Variants in R3HDM2 observed in about 807,000 individuals in gnomAD.
R3HDM2 encodes R3H domain containing 2, also known as R3H domain-containing protein 2.
Under a neutral mutation model 124.5 loss-of-function variants are expected in R3HDM2, and 38 were observed. That is an observed-to-expected ratio of 0.31 (90% CI 0.24 to 0.40). The LOEUF (loss-of-function observed/expected upper bound fraction) is 0.40, where lower values mean the gene tolerates loss of function less well. R3HDM2 is among the 10% of genes least tolerant of loss of function. R3HDM2 has a pLI of 1.00. For synonymous variants in R3HDM2, 391 were observed against 448.0 expected (o/e 0.87, Z 1.61); for missense variants, 869 against 1,236.9 (o/e 0.70, Z 4.46).
At chr12:57,273,439 G>A (rs1021351908) in intron 14 of R3HDM2, among the ~76,000 whole-genome samples, 2 of 152,148 alleles carry the variant, frequency 1.3e-5, no homozygotes, top group African/African-American at 4.8e-5. Context: ...CATAGTCCCT[G>A]GTGGTAGGAG....
At chr12:57,388,448 A>G (rs2066181396) in intron 2 of R3HDM2, among the ~76,000 whole-genome samples, 1 of 152,210 alleles carries the variant, frequency 6.6e-6, no homozygotes, top group Non-Finnish European at 1.5e-5. Context: ...AGTCAGCAAG[A>G]GAAGAACTGG....
In R3HDM2 at chr12:57,302,890, A is replaced by G. The variant is rs1274287521; in HGVS notation, c.207+286T>C. Among the ~76,000 whole-genome samples, 4 of 152,130 alleles carry G rather than the reference A, an allele frequency of 2.6e-5. No individual in the cohort carries two copies. In the East Asian group the frequency reaches 7.7e-4, roughly 29 times the overall value. The stretch of plus-strand genomic sequence containing the variant: ...GCAGAGAAACTGGTATTTCAGCACA[A>G]CTAGTATCCAGTTCTTTCAGGCTCT... On this transcript the variant is annotated intron_variant, in intron 4 of 23. Coordinates refer to ENST00000402412, the MANE Select transcript of R3HDM2 (RefSeq NM_001394031.1).
intron 2 of R3HDM2, among the ~76,000 whole-genome samples, chr12:57,343,293 G>A (rs1034546363): frequency 2.0e-5 from 3 of 150,666 alleles, no homozygotes; most frequent in African/African-American, 4.9e-5. Context: ...CGGTTCAAGC[G>A]GTTCTCCTGC....
At position 57,355,456 on chromosome 12, in the gene R3HDM2, C is replaced by CAA. The variant is rs1275868390; in HGVS notation, c.-36+40291_-36+40292dup. The stretch of plus-strand genomic sequence containing the variant: ...CCTGGGCAACAGAGCGAGACTGTCT[C>CAA]AAAAAAAAAAAAAAAAGAAAGAAAA... On this transcript the variant is annotated intron_variant, in intron 2 of 23. Coordinates refer to ENST00000402412, the MANE Select transcript of R3HDM2 (RefSeq NM_001394031.1). Among the ~76,000 whole-genome samples, 18 of 51,146 alleles carry CAA rather than the reference C, an allele frequency of 3.5e-4. 1 individual carries two copies. The highest frequency in any genetic ancestry group is 1.1e-3 in the African/African-American group (16 of 13,922). 33.6% of individuals were successfully genotyped at this position (51,146 alleles called of 152,430 possible). A position where few individuals can be genotyped will look rare whatever the true frequency, so the allele number is the denominator to read the frequency against.
intron 14 of R3HDM2, chr12:57,272,434 G>T: frequency 1.3e-6 from 2 of 1,535,038 alleles, no homozygotes; most frequent in Non-Finnish European, 1.8e-6. Context: ...AAGACAAAAA[G>T]GGGGAATGGA....
At chr12:57,372,294 C>T (rs182739061) in intron 2 of R3HDM2, among the ~76,000 whole-genome samples, 149 of 152,234 alleles carry the variant, frequency 9.8e-4, no homozygotes, top group Middle Eastern at 3.4e-3. Flanking sequence ...GGTGAAAAAA[C>T]ATAGTGCTCC....
chr12:57,393,364 AAGTGCTGGGATTAC>A (rs1489695135), intron 2 of R3HDM2, among the ~76,000 whole-genome samples: 2 of 151,854 alleles, frequency 1.3e-5, no homozygotes, highest in Non-Finnish European at 2.9e-5. Context: ...TTGGCCTCCC[AAGTGCTGGGATTAC>A]AGGCATAAGC....
intron 2 of R3HDM2, among the ~76,000 whole-genome samples, chr12:57,383,181 G>A (rs991148342): frequency 6.6e-6 from 1 of 152,138 alleles, no homozygotes; most frequent in African/African-American, 2.4e-5. Flanking sequence ...TTAGCCGAAT[G>A]TGGTGGTGCA....
At chr12:57,302,426 G>A (rs893325307) in intron 4 of R3HDM2, among the ~76,000 whole-genome samples, 4 of 151,956 alleles carry the variant, frequency 2.6e-5, no homozygotes, top group East Asian at 1.9e-4. Context: ...AGTACTTTGG[G>A]AGACCGAGGT....
chr12:57,304,052 C>T (rs1488550683), intron 3 of R3HDM2, among the ~76,000 whole-genome samples: 1 of 152,262 alleles, frequency 6.6e-6, no homozygotes, highest in East Asian at 1.9e-4. Flanking sequence ...ACAATACACA[C>T]ATTCATAGTT....
chr12:57,258,762 T>C, intron 20 of R3HDM2, 128 bp downstream of exon 20: 1 of 887,078 alleles, frequency 1.1e-6, no homozygotes, highest in Non-Finnish European at 1.6e-6. Context: ...GTCTACTTCC[T>C]GTGTTTCTCC....
chr12:57,308,530 CA>C (rs1206469176), intron 3 of R3HDM2, among the ~76,000 whole-genome samples: 4 of 151,446 alleles, frequency 2.6e-5, no homozygotes, highest in African/African-American at 7.3e-5. Flanking sequence ...ACTAAAAATA[CA>C]AAAAATTAGC....
rs187688330 is a variant in R3HDM2 at position 57,352,640 on chromosome 12, G to A, written c.-35-42177C>T. 1.6e-3 allele frequency among the ~76,000 whole-genome samples: 242 copies of A among 151,826 alleles called. 6 individuals are homozygous for A. Among genetic ancestry groups the A allele is most frequent in the Admixed American group, 0.015 (232 of 15,190 alleles). On this transcript the variant is annotated intron_variant, in intron 2 of 23. Transcript: ENST00000402412. The stretch of plus-strand genomic sequence containing the variant: ...CGTGAGTAGCTGGGACTACAGGTGC[G>A]CGCCACCACACCCAGCTAATTTTTG...
intron 2 of R3HDM2, among the ~76,000 whole-genome samples, chr12:57,330,729 C>T (rs1462134663): frequency 3.6e-5 from 4 of 111,018 alleles, no homozygotes; most frequent in African/African-American, 1.4e-4. Flanking sequence ...GACGGAGTCT[C>T]GTTCTGTTGC....
chr12:57,312,376 T>C (rs1205045250), intron 2 of R3HDM2, among the ~76,000 whole-genome samples: 1 of 150,898 alleles, frequency 6.6e-6, no homozygotes, highest in Non-Finnish European at 1.5e-5. Flanking sequence ...GATGCGATCA[T>C]AGCTCACTGC....
intron 2 of R3HDM2, among the ~76,000 whole-genome samples, chr12:57,312,637 G>A (rs530804005): frequency 5.9e-5 from 9 of 152,226 alleles, no homozygotes; most frequent in South Asian, 2.1e-4. Flanking sequence ...TTGGGAAGCC[G>A]AGGTGGGCAG....
In R3HDM2 at chr12:57,289,038, A is replaced by C. The variant is rs766627874; in HGVS notation, c.909T>G (p.Thr303=). The C allele has an allele frequency of 6.5e-7, 1 of 1,548,086 alleles. No individual in the cohort carries two copies. Among genetic ancestry groups the C allele is most frequent in the Non-Finnish European group, 8.7e-7 (1 of 1,143,540 alleles). ...TGTCATTTAGATATCCGTTCTGGCC[A>C]GTCTAGGTGAGGGGGAGAAAACGGA... ...RVRERIFARE[T]GQNGYLNDIR... The change falls in exon 12 of 24, where the codon ACT becomes ACG. Residue 303 remains threonine (T), a splice_region_variant and synonymous_variant. Coordinates refer to ENST00000402412, the MANE Select transcript of R3HDM2 (RefSeq NM_001394031.1).
intron 1 of R3HDM2, among the ~76,000 whole-genome samples, chr12:57,425,405 C>A (rs1332248932): frequency 3.9e-5 from 6 of 152,214 alleles, no homozygotes; most frequent in African/African-American, 1.4e-4. Context: ...TCTTGCACCT[C>A]CCATTAACTG....
At chr12:57,328,994 T>C (rs2057723942) in intron 2 of R3HDM2, among the ~76,000 whole-genome samples, 1 of 152,182 alleles carries the variant, frequency 6.6e-6, no homozygotes, top group Admixed American at 6.5e-5. Flanking sequence ...CTGTTAATTG[T>C]AGAAGATCCC....
Sources: allele counts gnomAD v4.1 joint callset (sites outside exome capture counted in the v4.1 genomes callset), GRCh38; gene constraint gnomAD v4.1.1; transcripts MANE v1.5; gene names NCBI Gene and HGNC (gene_info 2026-07-23, HGNC 2026-07-21).